MGST1: variants seen among roughly 807,000 people sequenced by gnomAD.
The protein encoded by MGST1 is glutathione S-transferase 12.
MGST1 carries 5 observed loss-of-function variants against 8.9 expected under a neutral mutation model. That is an observed-to-expected ratio of 0.56 (90% CI 0.29 to 1.19). The LOEUF (loss-of-function observed/expected upper bound fraction) is 1.19. MGST1 is among the 50% of genes most tolerant of loss of function. The pLI, the probability that MGST1 is intolerant of heterozygous loss-of-function variation, is 0.08. For missense variants in MGST1, 182 were observed against 187.4 expected, an observed-to-expected ratio of 0.97 and a Z score of 0.17; for synonymous variants, 54 against 67.8, an observed-to-expected ratio of 0.80 and a Z score of 1.00.
chr12:16,592,064 T>C (rs886233672), downstream of MGST1, among the ~76,000 whole-genome samples: 2 of 152,066 alleles, frequency 1.3e-5, no homozygotes, highest in African/African-American at 4.8e-5. Flanking sequence ...TTTCCCAGAC[T>C]GGATAGCTTA....
upstream of MGST1, among the ~76,000 whole-genome samples, chr12:16,382,347 C>T (rs1372200448): frequency 6.6e-6 from 1 of 152,104 alleles, no homozygotes; most frequent in East Asian, 1.9e-4. Context: ...TGTTAGTTTT[C>T]CTTCTAACAG....
rs2137216824 is a variant in MGST1 at position 16,544,488 on chromosome 12, T to A, written n.483-45040T>A. Reference sequence around the variant, plus strand: ...TATTCATCTCTATTTTCTAAGTAGATAAGATTAAATGTAAATGTAGAGAAT... The same window carrying A: ...TATTCATCTCTATTTTCTAAGTAGAAAAGATTAAATGTAAATGTAGAGAAT... On this transcript the variant is annotated intron_variant and non_coding_transcript_variant, in intron 4 of 4. Coordinates refer to the MGST1 transcript ENST00000538857. This position sits in a 1 kb window ranked among gnomAD's most constrained non-coding sequence, Gnocchi z 4.8. Among the ~76,000 whole-genome samples the A allele has an allele frequency of 6.6e-6, 1 of 152,164 alleles. No individual in the cohort carries two copies. Among genetic ancestry groups the A allele is most frequent in the African/African-American group, 2.4e-5 (1 of 41,568 alleles).
chr12:16,456,316 A>G (rs1941171778), intron 4 of MGST1, among the ~76,000 whole-genome samples: 2 of 151,896 alleles, frequency 1.3e-5, no homozygotes. Context: ...TAGATAAAAT[A>G]CATTGTAGCC....
chr12:16,553,689 A>C (rs1359801993), intron 4 of MGST1, among the ~76,000 whole-genome samples: 1 of 152,194 alleles, frequency 6.6e-6, no homozygotes, highest in Non-Finnish European at 1.5e-5. Flanking sequence ...TACGACTGGT[A>C]TGCAATTAAG....
At chr12:16,457,988 C>T (rs1318947760) in intron 4 of MGST1, among the ~76,000 whole-genome samples, 1 of 151,976 alleles carries the variant, frequency 6.6e-6, no homozygotes, top group Non-Finnish European at 1.5e-5. Flanking sequence ...CCCAATATCA[C>T]TTAATTTTTC....
intron 1 of MGST1, among the ~76,000 whole-genome samples, chr12:16,383,985 A>T (rs541610247): frequency 6.6e-6 from 1 of 152,258 alleles, no homozygotes; most frequent in South Asian, 2.1e-4. Flanking sequence ...AGAGGAGAGG[A>T]GGCATTTTCT....
In MGST1 at chr12:16,537,698, C is replaced by T. The variant is rs1418187740; in HGVS notation, n.483-51830C>T. ...GAAAGGTGCCAAGGTTTGGAGTTTG[C>T]ACCCTCTCAAACCATGAGCTGAGCT... On this transcript the variant is annotated intron_variant and non_coding_transcript_variant, in intron 4 of 4. Transcript: ENST00000538857. The surrounding 1 kb of genome is among the most constrained non-coding windows in gnomAD (Gnocchi z 4.6). 1.3e-5 allele frequency among the ~76,000 whole-genome samples: 2 copies of T among 152,210 alleles called. No individual in the cohort carries two copies. The highest frequency in any genetic ancestry group is 2.9e-5 in the Non-Finnish European group (2 of 68,030).
intron 3 of MGST1, among the ~76,000 whole-genome samples, chr12:16,373,289 A>G (rs1940327158): frequency 6.6e-6 from 1 of 151,678 alleles, no homozygotes; most frequent in Admixed American, 6.6e-5. Context: ...GGGGTTGAGG[A>G]ATGAGTTTGA....
At chr12:16,427,816 T>A (rs1940903335) in intron 1 of MGST1, among the ~76,000 whole-genome samples, 1 of 152,204 alleles carries the variant, frequency 6.6e-6, no homozygotes. Context: ...CTTATTTTTT[T>A]AATGTTTTTT....
rs11056956 is a variant in MGST1, at chr12:16,485,734, A to G, written n.482+102130A>G. Reference sequence around the variant, plus strand: ...AACCAAATGATAAAGATAAAACACAAAATGCATGTCATGGAACAAAGCTAC... The same window carrying G: ...AACCAAATGATAAAGATAAAACACAGAATGCATGTCATGGAACAAAGCTAC... On this transcript the variant is annotated intron_variant and non_coding_transcript_variant, in intron 4 of 4. Coordinates refer to the MGST1 transcript ENST00000538857. 8.9e-3 allele frequency among the ~76,000 whole-genome samples: 1,355 copies of G among 152,334 alleles called. 57 individuals are homozygous for G. The East Asian group carries it at 0.14, about 16-fold the overall frequency.
intron 4 of MGST1, among the ~76,000 whole-genome samples, chr12:16,520,347 T>C (rs1440872612): frequency 3.3e-5 from 5 of 152,110 alleles, no homozygotes; most frequent in African/African-American, 1.2e-4. Context: ...GACTATTCTA[T>C]CAGAAATATC....
intron 4 of MGST1, among the ~76,000 whole-genome samples, chr12:16,459,075 C>T (rs1012445245): frequency 5.3e-5 from 8 of 152,046 alleles, no homozygotes; most frequent in South Asian, 2.1e-4. Flanking sequence ...TTATGATAGA[C>T]AGGACATTGG....
In MGST1 at chr12:16,401,938, T is replaced by C; in HGVS notation, n.778+18334T>C. 6.2e-7 allele frequency: 1 copy of C among 1,611,650 alleles called. No individual in the cohort carries two copies. On this transcript the variant is annotated intron_variant and non_coding_transcript_variant, in intron 1 of 1. Transcript: ENST00000359720. This position sits in a 1 kb window ranked among gnomAD's most constrained non-coding sequence, Gnocchi z 4.3. Reference sequence around the variant, plus strand: ...TATGCCACAACTGCACTGATATCTATTTTGTCAAAGCCTTCTTTGTTGAGG... The same window carrying C: ...TATGCCACAACTGCACTGATATCTACTTTGTCAAAGCCTTCTTTGTTGAGG...
intron 1 of MGST1, chr12:16,400,840 C>T (rs1940648956): frequency 5.8e-6 from 7 of 1,205,210 alleles, no homozygotes; most frequent in Non-Finnish European, 3.7e-6. Context: ...CGATGTAGAT[C>T]TTCATTTCCC....
At chr12:16,549,275 A>G (rs537442077) in intron 4 of MGST1, 1 of 152,218 alleles carries the variant, frequency 6.6e-6, no homozygotes, top group African/African-American at 2.4e-5. Context: ...AATAATAGTT[A>G]TTTTTGTGGG....
Position 16,361,017 on chromosome 12 carries a change from T to C in MGST1, c.222-2778T>C, listed in dbSNP as rs1939967928. The stretch of plus-strand genomic sequence containing the variant: ...CGCCCCCAAAAGACCCACATGCATA[T>C]AGGAATGGGAGAATGATATGAAGCC... On this transcript the variant is annotated intron_variant, in intron 3 of 3. Transcript: ENST00000396210. The surrounding 1 kb of genome is among the most constrained non-coding windows in gnomAD (Gnocchi z 4.2). Among the ~76,000 whole-genome samples, 1 of 128,046 alleles carries C rather than the reference T, an allele frequency of 7.8e-6. No individual in the cohort carries two copies. Among genetic ancestry groups the C allele is most frequent in the African/African-American group, 3.0e-5 (1 of 32,874 alleles). The allele number at this position is 128,046 out of a possible 152,430, so 84.0% of individuals were successfully genotyped here.
At chr12:16,427,317 C>T (rs944816927) in intron 1 of MGST1, among the ~76,000 whole-genome samples, 6 of 152,110 alleles carry the variant, frequency 3.9e-5, no homozygotes, top group African/African-American at 1.4e-4. Flanking sequence ...GATGAAAAAA[C>T]CTGTCTCTGA....
At chr12:16,492,728 T>C (rs1941447798) in intron 4 of MGST1, among the ~76,000 whole-genome samples, 1 of 152,172 alleles carries the variant, frequency 6.6e-6, no homozygotes, top group African/African-American at 2.4e-5. Flanking sequence ...TAAGGTAATT[T>C]GAACTTTATA....
At chr12:16,400,300 T>A (rs1940643222) in intron 1 of MGST1, 3 of 793,830 alleles carry the variant, frequency 3.8e-6, no homozygotes, top group African/African-American at 1.7e-5. Flanking sequence ...ATCACAGAGC[T>A]GGAATGAAGC....
Sources: gnomAD v4.1 joint callset for allele counts (sites outside exome capture counted in the v4.1 genomes callset) on GRCh38, gnomAD v4.1.1 for gene constraint, Gnocchi (gnomAD v3.1) non-coding constraint, MANE v1.5 for transcripts, NCBI Gene and HGNC (gene_info 2026-07-23, HGNC 2026-07-21) for gene names.